CPLANE1: variants seen among roughly 807,000 people sequenced by gnomAD.
The protein encoded by CPLANE1 is ciliogenesis and planar polarity effector complex subunit 1.
In CPLANE1, 263 loss-of-function variants were observed where a neutral mutation model predicts 362.5. That is an observed-to-expected ratio of 0.73 (90% CI 0.66 to 0.80). The LOEUF is 0.80. Ranked by LOEUF, CPLANE1 falls within the 30% of genes least tolerant of loss-of-function variation. The pLI is 0.00. For missense variants in CPLANE1, 3,461 were observed against 3,793.4 expected (o/e 0.91, Z 2.30); for synonymous variants, 1,212 against 1,302.6 (o/e 0.93, Z 1.50).
rs1200124186 is a variant in CPLANE1 at position 37,115,039 on chromosome 5, AG to A, written c.9320del (p.Thr3107IlefsTer15). ...CACCAGCTTTTTTCTGTATGGTGAAAGTGGCAGTTCCTATACAGAGAGACAA... is the reference window on the plus strand; with the variant it reads ...CACCAGCTTTTTTCTGTATGGTGAAATGGCAGTTCCTATACAGAGAGACAA... ...QGSPWPHGTA[T>X]FTIQKKAGGA... is the part of the protein sequence containing the mutation. On this transcript the variant is annotated frameshift_variant, in exon 51 of 53. Coordinates refer to ENST00000651892, the MANE Select transcript of CPLANE1 (RefSeq NM_001384732.1). LOFTEE classifies it high-confidence loss of function. 1.9e-6 allele frequency: 3 copies of A among 1,604,812 alleles called. No homozygotes were observed. In the South Asian group the frequency reaches 3.3e-5, roughly 18 times the overall value.
intron 5 of CPLANE1, among the ~76,000 whole-genome samples, chr5:37,243,654 TATATA>T (rs1738411184): frequency 6.8e-6 from 1 of 147,218 alleles, no homozygotes; most frequent in African/African-American, 2.5e-5. Flanking sequence ...TCTCTCTCTA[TATATA>T]ATATATAAAA....
At chr5:37,164,544 C>T (rs1241986276) in intron 36 of CPLANE1, among the ~76,000 whole-genome samples, 1 of 152,038 alleles carries the variant, frequency 6.6e-6, no homozygotes, top group South Asian at 2.1e-4. Flanking sequence ...AGAGCATTAC[C>T]AATTTAATGT....
intron 16 of CPLANE1, chr5:37,212,381 A>T: frequency 1.2e-6 from 1 of 814,094 alleles, no homozygotes; most frequent in Non-Finnish European, 2.2e-6. Flanking sequence ...ACTCTTGGTA[A>T]CCATGTTTGC....
At chr5:37,190,047 T>C (rs1785084242) in intron 21 of CPLANE1, among the ~76,000 whole-genome samples, 2 of 150,696 alleles carry the variant, frequency 1.3e-5, no homozygotes, top group Non-Finnish European at 3.0e-5. Flanking sequence ...ACAGTAAGAG[T>C]AAAGGTAGTT....
intron 1 of CPLANE1, among the ~76,000 whole-genome samples, chr5:37,248,649 C>G (rs1460115670): frequency 2.6e-5 from 4 of 152,078 alleles, no homozygotes; most frequent in Non-Finnish European, 5.9e-5. Flanking sequence ...GCAGCGAAGA[C>G]TCCGGCTCAA....
intron 5 of CPLANE1, 135 bp from the exon 6 acceptor site, chr5:37,243,254 A>AT (rs1800965909): frequency 3.5e-6 from 2 of 574,616 alleles, no homozygotes; most frequent in Non-Finnish European, 5.7e-6. Flanking sequence ...TATCCTTAAC[A>AT]TTAAGCTTAA....
In CPLANE1 at chr5:37,142,325, T is replaced by G; in HGVS notation, c.8617A>C (p.Asn2873His). The G allele has an allele frequency of 1.3e-6, 2 of 1,597,790 alleles. No homozygotes were observed. The highest frequency in any genetic ancestry group is 8.5e-7 in the Non-Finnish European group (1 of 1,174,376). ...AVSLSSSSDQ[N>H]TTSPGMNSSD... ...AGAACAATACCAGGAGAAGTAGTAT[T>G]CTGATCACTGGAACTGGAAAGGCTG... is the stretch of plus-strand genomic sequence containing the variant. The change falls in exon 44 of 53, where the codon AAT (asparagine) becomes CAT (histidine). Residue 2873 changes from asparagine (N) to histidine (H), a missense_variant. Coordinates refer to ENST00000651892, the MANE Select transcript of CPLANE1 (RefSeq NM_001384732.1).
chr5:37,208,491 C>G (rs889572798), intron 16 of CPLANE1, among the ~76,000 whole-genome samples: 3 of 152,210 alleles, frequency 2.0e-5, no homozygotes, highest in Admixed American at 2.0e-4. Context: ...TCCTGGCTAA[C>G]ACGGTGAAAC....
intron 38 of CPLANE1, among the ~76,000 whole-genome samples, chr5:37,162,058 C>A (rs919792515): frequency 6.6e-6 from 1 of 152,206 alleles, no homozygotes; most frequent in African/African-American, 2.4e-5. Flanking sequence ...TCCTCCAACA[C>A]TTATTTCCTC....
intron 20 of CPLANE1, among the ~76,000 whole-genome samples, chr5:37,198,435 G>GA (rs1350657708): frequency 1.8e-3 from 254 of 142,904 alleles, no homozygotes; most frequent in Middle Eastern, 3.5e-3. Flanking sequence ...AGGGGAGTTG[G>GA]AAAAAAAAAA....
In CPLANE1 at chr5:37,142,406, T is replaced by A. The variant is rs773990114; in HGVS notation, c.8536A>T (p.Thr2846Ser). 6.2e-7 allele frequency: 1 copy of A among 1,611,326 alleles called. No homozygotes were observed. ...GTTTTCTGACCAGAATAATTTTCTG[T>A]TATTGAAAATTCAGGTTCTGAAGTC... ...KETSEPEFSI[T>S]ENYSGQKTCV... Residue 2846 changes from threonine to serine, a missense_variant, in exon 44 of 53, where the codon ACA becomes TCA. Physicochemically the swap from Thr to Ser is moderately conservative, Grantham distance 58. This residue lies in a region of CPLANE1 where 3,380 missense variants were observed against 3,666.1 expected (regional missense o/e 0.92). Transcript: ENST00000651892.
chr5:37,166,714 GA>G (rs1354495149), intron 35 of CPLANE1, among the ~76,000 whole-genome samples: 1 of 152,110 alleles, frequency 6.6e-6, no homozygotes, highest in Admixed American at 6.5e-5. Context: ...TATTCCTGGG[GA>G]TAAGGGAGGA....
intron 12 of CPLANE1, among the ~76,000 whole-genome samples, chr5:37,225,025 TCACCCTAC>T (rs1442394180): frequency 2.0e-5 from 3 of 149,272 alleles, no homozygotes; most frequent in Non-Finnish European, 3.0e-5. Flanking sequence ...GCCCAAGCGA[TCACCCTAC>T]CTCAGCCTCC....
chr5:37,210,596 G>A (rs1792312263), intron 16 of CPLANE1: 1 of 1,593,434 alleles, frequency 6.3e-7, no homozygotes. Flanking sequence ...TTGAATTAGA[G>A]TCTGTCAAAG....
chr5:37,164,135 G>A (rs1777616834), intron 37 of CPLANE1, 138 bp downstream of exon 37: 1 of 621,556 alleles, frequency 1.6e-6, no homozygotes, highest in Non-Finnish European at 2.9e-6. Flanking sequence ...GAGTTGAGGG[G>A]GGTGGAGTAT....
At chr5:37,240,661 C>T (rs966451130) in intron 6 of CPLANE1, among the ~76,000 whole-genome samples, 2 of 152,158 alleles carry the variant, frequency 1.3e-5, no homozygotes, top group Non-Finnish European at 2.9e-5. Flanking sequence ...CCAGGCCCCA[C>T]CTCCAACATT....
intron 44 of CPLANE1, chr5:37,140,501 C>T: frequency 1.0e-6 from 1 of 983,658 alleles, no homozygotes; most frequent in Non-Finnish European, 1.2e-6. Context: ...TAGTTCTACC[C>T]CTTATAGCTT....
At chr5:37,235,489 ATT>A in intron 8 of CPLANE1, among the ~76,000 whole-genome samples, 1 of 152,128 alleles carries the variant, frequency 6.6e-6, no homozygotes, top group South Asian at 2.1e-4. Flanking sequence ...TTTTCACATA[ATT>A]AGAAAAAACA....
At chr5:37,080,361 A>G in the CPLANE1 span, among the ~76,000 whole-genome samples, 1 of 152,186 alleles carries the variant, frequency 6.6e-6, no homozygotes, top group Non-Finnish European at 1.5e-5. Flanking sequence ...GAGAGATCAG[A>G]GTTCTGGGCA....
Sources: gnomAD v4.1 joint callset for allele counts (sites outside exome capture counted in the v4.1 genomes callset) on GRCh38, gnomAD v4.1.1 for gene constraint, gnomAD v4.1.1 regional missense constraint, MANE v1.5 for transcripts, NCBI Gene and HGNC (gene_info 2026-07-23, HGNC 2026-07-21) for gene names.